CYB5RL: variants seen among roughly 807,000 people sequenced by gnomAD.
CYB5RL encodes the protein NADH-cytochrome b5 reductase-like.
In CYB5RL, 38 loss-of-function variants were observed where a neutral mutation model predicts 37.5. The ratio of observed to expected loss-of-function variants is 1.01; its 90% CI spans 0.78 to 1.33. The LOEUF (loss-of-function observed/expected upper bound fraction) is 1.33, where lower values mean the gene tolerates loss of function less well. Among genes scored for constraint, CYB5RL ranks in the 40% most tolerant of loss-of-function variants. CYB5RL has a pLI of 0.00. For missense variants in CYB5RL, 388 were observed against 394.4 expected (o/e 0.98, Z 0.14); for synonymous variants, 141 against 151.9 (o/e 0.93, Z 0.53).
chr1:54,175,723 C>T (rs1455341697), intron 7 of CYB5RL: 8 of 416,140 alleles, frequency 1.9e-5, no homozygotes, highest in Non-Finnish European at 3.9e-5. Context: ...TAGAAACACA[C>T]AAAAAATACA....
intron 4 of CYB5RL, 95 bp downstream of exon 4, chr1:54,190,653 G>T (rs924724800): frequency 5.4e-6 from 8 of 1,477,398 alleles, no homozygotes; most frequent in Admixed American, 2.0e-5. Flanking sequence ...ACAAATGGAG[G>T]CTTAAGGGAG....
At chr1:54,178,568 T>A (rs1660078592) in intron 7 of CYB5RL, among the ~76,000 whole-genome samples, 1 of 149,030 alleles carries the variant, frequency 6.7e-6, no homozygotes, top group Non-Finnish European at 1.5e-5. Flanking sequence ...GCAGGGAGAG[T>A]CGCTGCCAGC....
rs1220526248 is a variant in CYB5RL at position 54,170,056 on chromosome 1, T to G, written c.*4563A>C. ...GATGGAGTTCACTTTAATTGCTGTA[T>G]CTACAGGCAGTTTTTAATTCCTTGC... On this transcript the variant is annotated 3_prime_UTR_variant, in exon 8 of 8. Transcript: ENST00000534324. 1 of 152,246 alleles carries G rather than the reference T, an allele frequency of 6.6e-6. No individual in the cohort carries two copies. 9.4% of individuals were successfully genotyped at this position (152,246 alleles called of 1,614,324 possible). A position where few individuals can be genotyped will look rare whatever the true frequency, so the allele number is the denominator to read the frequency against.
intron 1 of CYB5RL, among the ~76,000 whole-genome samples, chr1:54,197,844 A>G (rs1210442309): frequency 6.6e-6 from 1 of 151,598 alleles, no homozygotes; most frequent in East Asian, 1.9e-4. Flanking sequence ...ACACGGTGAA[A>G]CCCCGTCTCT....
chr1:54,195,562 G>A lies in CYB5RL; in HGVS notation c.55C>T (p.Arg19Trp), dbSNP rs767771861. ...DDTEEAWMQL[R>W]PTEPLPSQCC... ...TGGGAAGGCAAGGGTTCTGTGGGCC[G>A]TAGCTGCATCCAGGCTTCCTCAGTG... The change falls in exon 3 of 8, where the codon CGG becomes TGG. Residue 19 changes from arginine to tryptophan, a missense_variant. Arg to Trp is a moderately radical substitution (Grantham distance 101). Transcript: ENST00000534324. 21 of 1,613,550 alleles carry A rather than the reference G, an allele frequency of 1.3e-5. No individual in the cohort carries two copies. Among genetic ancestry groups the A allele is most frequent in the Middle Eastern group, 1.6e-4 (1 of 6,080 alleles).
At chr1:54,178,043 C>T (rs187867515) in intron 7 of CYB5RL, among the ~76,000 whole-genome samples, 3 of 152,312 alleles carry the variant, frequency 2.0e-5, no homozygotes, top group Admixed American at 6.5e-5. Flanking sequence ...TTGGGCTGCA[C>T]GCTAGCCTTT....
chr1:54,174,734 C>A lies in CYB5RL; in HGVS notation c.833G>T (p.Ser278Ile). The stretch of plus-strand genomic sequence containing the variant: ...TGCGAATGGCTTTCTCCGACAGCAG[C>A]TGACCAGCTCTTTAATTAGGTCCTG... The part of the protein sequence containing the change: ...LGQDLIKELV[S>I]CCRRKPFALV... Residue 278 changes from serine to isoleucine, a missense_variant, in exon 8 of 8, where the codon AGC (serine) becomes ATC (isoleucine). Ser to Ile is a moderately radical substitution (Grantham distance 142). Coordinates refer to ENST00000534324, the MANE Select transcript of CYB5RL (RefSeq NM_001031672.4). 6 of 1,614,044 alleles carry A rather than the reference C, an allele frequency of 3.7e-6. No homozygotes were observed. The South Asian group carries it at 5.5e-5, about 15-fold the overall frequency.
intron 3 of CYB5RL, among the ~76,000 whole-genome samples, chr1:54,194,145 TG>T (rs1643983894): frequency 6.7e-6 from 1 of 150,068 alleles, no homozygotes. Flanking sequence ...CTGAGGCAGG[TG>T]GATCACCTAA....
In CYB5RL at chr1:54,190,905, G is replaced by A; in HGVS notation, c.199-9C>T. 1 of 1,610,356 alleles carries A rather than the reference G, an allele frequency of 6.2e-7. No homozygotes were observed. The highest frequency in any genetic ancestry group is 8.5e-7 in the Non-Finnish European group (1 of 1,178,728). Reference sequence around the variant, plus strand: ...AGCTTGGAGGGGCAGCTCTGCAACAGGAAGAGATCCAACAGCTAGAGGCCG... The same window carrying A: ...AGCTTGGAGGGGCAGCTCTGCAACAAGAAGAGATCCAACAGCTAGAGGCCG... On this transcript the variant is annotated splice_polypyrimidine_tract_variant and intron_variant, in intron 3 of 7. Coordinates refer to ENST00000534324, the MANE Select transcript of CYB5RL (RefSeq NM_001031672.4).
At chr1:54,175,487 T>A in intron 7 of CYB5RL, 1 of 306,166 alleles carries the variant, frequency 3.3e-6, no homozygotes, top group South Asian at 2.9e-5. Flanking sequence ...GCAGCTTTCC[T>A]CCTCAGGGTC....
chr1:54,199,849 A>T (rs1329053562), intron 1 of CYB5RL, 127 bp downstream of exon 1: 1 of 204,306 alleles, frequency 4.9e-6, no homozygotes, highest in East Asian at 1.3e-4. Context: ...CTATTTTTAC[A>T]GCGAGGGACA....
intron 6 of CYB5RL, among the ~76,000 whole-genome samples, chr1:54,181,329 C>G (rs1179934319): frequency 6.6e-6 from 1 of 152,252 alleles, no homozygotes; most frequent in Non-Finnish European, 1.5e-5. Context: ...CTGACTCCCC[C>G]AGCAGACTGT....
intron 5 of CYB5RL, chr1:54,185,280 G>A (rs1259317206): frequency 6.9e-6 from 1 of 145,932 alleles, no homozygotes; most frequent in Non-Finnish European, 1.5e-5. Flanking sequence ...CTTCCTGGGG[G>A]AGGAAGCATT....
intron 2 of CYB5RL, 133 bp from the exon 3 acceptor site, chr1:54,195,848 G>C (rs766649197): frequency 2.4e-6 from 1 of 409,672 alleles, no homozygotes; most frequent in Non-Finnish European, 4.3e-6. Flanking sequence ...GCTGTCTGGT[G>C]GGGAGCATTA....
chr1:54,178,696 A>G (rs1464794337), intron 7 of CYB5RL, among the ~76,000 whole-genome samples: 3 of 152,212 alleles, frequency 2.0e-5, no homozygotes, highest in African/African-American at 7.2e-5. Flanking sequence ...TGTGCCTGGC[A>G]TCATGCTAAG....
intron 1 of CYB5RL, among the ~76,000 whole-genome samples, chr1:54,199,613 A>G (rs1262174417): frequency 1.3e-5 from 2 of 152,302 alleles, no homozygotes; most frequent in Admixed American, 1.3e-4. Flanking sequence ...GCAAAGGCGC[A>G]TCTTCATTGC....
intron 4 of CYB5RL, 117 bp downstream of exon 4, chr1:54,190,631 A>C: frequency 7.7e-7 from 1 of 1,306,982 alleles, no homozygotes; most frequent in South Asian, 1.3e-5. Context: ...CACTATGTCT[A>C]TCTTGAAGAT....
At position 54,179,357 on chromosome 1, in the gene CYB5RL, G is replaced by A. The variant is rs1660102095; in HGVS notation, c.541-5C>T. On this transcript the variant is annotated splice_region_variant and splice_polypyrimidine_tract_variant and intron_variant, in intron 6 of 7. Transcript: ENST00000534324. ...CAGCAAGAGGAGCTCACCATACTGG[G>A]GAACAGAAGGGGTATGTATGACAGG... is the stretch of plus-strand genomic sequence containing the variant. 1 of 1,610,560 alleles carries A rather than the reference G, an allele frequency of 6.2e-7. No individual in the cohort carries two copies. The highest frequency in any genetic ancestry group is 1.3e-5 in the African/African-American group (1 of 75,016).
At chr1:54,197,013 G>A (rs12562306) in intron 1 of CYB5RL, among the ~76,000 whole-genome samples, 47,944 of 151,990 alleles carry the variant, frequency 0.32, 8,037 homozygotes, top group South Asian at 0.45. Flanking sequence ...CCAACCCCTC[G>A]GATCTGGCTT....
Sources: gnomAD v4.1 joint callset for allele counts (sites outside exome capture counted in the v4.1 genomes callset) on GRCh38, gnomAD v4.1.1 for gene constraint, MANE v1.5 for transcripts, NCBI Gene and HGNC (gene_info 2026-07-23, HGNC 2026-07-21) for gene names.